CUX1: variants seen among roughly 807,000 people sequenced by gnomAD.
The protein encoded by CUX1 is cut like homeobox 1.
A neutral mutation model predicts 158.8 loss-of-function variants in CUX1; 31 were observed. The observed-to-expected ratio is 0.20, with a 90% confidence interval of 0.15 to 0.26. The LOEUF (loss-of-function observed/expected upper bound fraction) is 0.26, where lower values mean the gene tolerates loss of function less well. Among genes scored for constraint, CUX1 ranks in the 10% least tolerant of loss-of-function variants. CUX1 has a pLI of 1.00. For synonymous variants in CUX1, 879 were observed against 862.1 expected (o/e 1.02, Z -0.34); for missense variants, 1,589 against 2,014.6 (o/e 0.79, Z 4.04).
intron 2 of CUX1, among the ~76,000 whole-genome samples, chr7:102,002,415 T>A (rs77285943): frequency 0.041 from 6,189 of 152,286 alleles, 440 homozygotes; most frequent in African/African-American, 0.14. Context: ...CTTGCGTGGA[T>A]GGCTGTGGGA....
intron 3 of CUX1, among the ~76,000 whole-genome samples, chr7:102,066,014 C>G (rs1244197644): frequency 6.6e-6 from 1 of 152,186 alleles, no homozygotes; most frequent in Non-Finnish European, 1.5e-5. Flanking sequence ...TGGTCTGCAT[C>G]TCCTGACCTT....
intron 1 of CUX1, among the ~76,000 whole-genome samples, chr7:101,888,123 C>A (rs1269032368): frequency 6.6e-6 from 1 of 152,152 alleles, no homozygotes; most frequent in Non-Finnish European, 1.5e-5. Flanking sequence ...CACCTGAGGT[C>A]AGAAGTTCCA....
chr7:102,242,681 T>A (rs1396061338), intron 23 of CUX1, among the ~76,000 whole-genome samples: 2 of 152,214 alleles, frequency 1.3e-5, no homozygotes, highest in African/African-American at 4.8e-5. Context: ...TCCAAAAGTA[T>A]GTTCCCTGGC....
Position 101,981,681 on chromosome 7 carries a change from C to T in CUX1, c.142-46417C>T, listed in dbSNP as rs186576851. The stretch of plus-strand genomic sequence containing the variant: ...AGGCTGGAGTACAGCAGTGCGATCT[C>T]GGCTCTGCAACCTCCGCCTCCCTGG... On this transcript the variant is annotated intron_variant, in intron 2 of 23. Transcript: ENST00000292535. Among the ~76,000 whole-genome samples, 12 of 151,856 alleles carry T rather than the reference C, an allele frequency of 7.9e-5. No individual in the cohort carries two copies. In the East Asian group the frequency reaches 1.7e-3, roughly 22 times the overall value.
chr7:101,946,627 G>C (rs1222513901), intron 2 of CUX1, among the ~76,000 whole-genome samples: 1 of 152,044 alleles, frequency 6.6e-6, no homozygotes, highest in Non-Finnish European at 1.5e-5. Flanking sequence ...CAAATGTTGG[G>C]TTGGATTTGG....
intron 3 of CUX1, among the ~76,000 whole-genome samples, chr7:102,036,837 T>G (rs1051033801): frequency 6.6e-6 from 1 of 151,698 alleles, no homozygotes; most frequent in African/African-American, 2.4e-5. Flanking sequence ...ATGGTATGGA[T>G]CAGTGAGGAA....
rs1193516000 is a variant in CUX1, at chr7:102,092,556, T to C, written c.269-4808T>C. 2.6e-5 allele frequency among the ~76,000 whole-genome samples: 4 copies of C among 152,050 alleles called. No individual in the cohort carries two copies. The East Asian group carries it at 7.7e-4, about 29-fold the overall frequency. On this transcript the variant is annotated intron_variant, in intron 4 of 23. Coordinates refer to ENST00000292535, the MANE Select transcript of CUX1 (RefSeq NM_181552.4). ...CATCACAAGTGGAAAATATCATAAG[T>C]CAAAAATATATTCAATACCCCTAAC...
chr7:101,876,672 C>T (rs1584851282), intron 1 of CUX1, among the ~76,000 whole-genome samples: 1 of 149,544 alleles, frequency 6.7e-6, no homozygotes, highest in South Asian at 2.1e-4. Context: ...TCTGACCTGG[C>T]AACATAGCAA....
rs574002509 is a variant in CUX1, at chr7:102,040,733, G to A, written c.189+12588G>A. Among the ~76,000 whole-genome samples, 12 of 152,306 alleles carry A rather than the reference G, an allele frequency of 7.9e-5. No homozygotes were observed. In the South Asian group the frequency reaches 1.2e-3, roughly 16 times the overall value. ...GGCCATTGCTAAATAAAGCCAGGGC[G>A]TCCATGTGGTTCGCTCCAAAGAGCA... On this transcript the variant is annotated intron_variant, in intron 3 of 23. Transcript: ENST00000292535.
chr7:102,018,326 A>G (rs555210790), intron 2 of CUX1, among the ~76,000 whole-genome samples: 1 of 152,338 alleles, frequency 6.6e-6, no homozygotes, highest in East Asian at 1.9e-4. Context: ...TCAGACCTAG[A>G]GTCAAATCAG....
At chr7:102,008,315 CT>C (rs1225650741) in intron 2 of CUX1, among the ~76,000 whole-genome samples, 1 of 152,060 alleles carries the variant, frequency 6.6e-6, no homozygotes, top group Non-Finnish European at 1.5e-5. Flanking sequence ...TGGATCTCCT[CT>C]TTTTTCCTTC....
At position 102,263,901 on chromosome 7, in the gene CUX1, G is replaced by A. The variant is rs572203027; in HGVS notation, c.1256-9465G>A. Reference sequence around the variant, plus strand: ...AGAGACGGGGTTCACCATATTGGCCGGGCTGGTCTCGAACTCCTGGCCTCA... The same window carrying A: ...AGAGACGGGGTTCACCATATTGGCCAGGCTGGTCTCGAACTCCTGGCCTCA... On this transcript the variant is annotated intron_variant, in intron 14 of 22. Transcript: ENST00000292538. 1.5e-4 allele frequency among the ~76,000 whole-genome samples: 22 copies of A among 148,832 alleles called. No individual in the cohort carries two copies. The South Asian group carries it at 4.3e-3, about 29-fold the overall frequency.
rs375610847 is a variant in CUX1 at position 101,842,872 on chromosome 7, A to ATTTT, written c.30+25218_30+25221dup. On this transcript the variant is annotated intron_variant, in intron 1 of 23. Transcript: ENST00000292535. The stretch of plus-strand genomic sequence containing the variant: ...TTCGTTTTGACATTAAAATTATTCT[A>ATTTT]TTTTTTTTTTTTTTTTTTGAGACAG... Among the ~76,000 whole-genome samples, 45 of 105,762 alleles carry ATTTT rather than the reference A, an allele frequency of 4.3e-4. 2 individuals are homozygous for ATTTT. The highest frequency in any genetic ancestry group is 6.3e-4 in the Non-Finnish European group (34 of 53,780). The allele number at this position is 105,762 out of a possible 152,430, so 69.4% of individuals were successfully genotyped here. A position where few individuals can be genotyped will look rare whatever the true frequency, so the allele number is the denominator to read the frequency against.
chr7:102,170,509 T>C lies in CUX1; in HGVS notation c.787T>C (p.Ser263Pro). ...LREQLSSANH[S>P]LQLASQIQKA... is the part of the protein sequence containing the mutation. Reference sequence around the variant, plus strand: ...GGAACAGCTCTCATCGGCCAATCACTCCCTCCAGCTGGCCTCACAGATCCA... The same window carrying C: ...GGAACAGCTCTCATCGGCCAATCACCCCCTCCAGCTGGCCTCACAGATCCA... Residue 263 changes from serine (S) to proline (P), a missense_variant, in exon 10 of 24, where the codon TCC (serine) becomes CCC (proline). Ser to Pro is a moderately conservative substitution (Grantham distance 74). This residue lies in a region of CUX1 where 515 missense variants were observed against 574.4 expected (regional missense o/e 0.90). Transcript: ENST00000292535. 6.3e-7 allele frequency: 1 copy of C among 1,589,990 alleles called. No homozygotes were observed. The highest frequency in any genetic ancestry group is 2.3e-5 in the East Asian group (1 of 43,416).
intron 22 of CUX1, 140 bp from the exon 23 acceptor site, chr7:102,239,180 C>A (rs1423951991): frequency 4.0e-6 from 4 of 1,012,162 alleles, no homozygotes; most frequent in Admixed American, 5.9e-5. Context: ...AGCCACCATG[C>A]CCAGCCTCAT....
chr7:102,248,530 G>A lies in CUX1; in HGVS notation c.4006G>A (p.Asp1336Asn), dbSNP rs571342866. 1.3e-5 allele frequency: 20 copies of A among 1,519,742 alleles called. No individual in the cohort carries two copies. Among genetic ancestry groups the A allele is most frequent in the African/African-American group, 4.2e-5 (3 of 70,982 alleles). 94.1% of individuals were successfully genotyped at this position (1,519,742 alleles called of 1,614,324 possible). ...SGRAAPSSEG[D>N]SCDGVEATEG... ...CCGGGCGGCGCCCAGCTCGGAGGGC[G>A]ACAGCTGCGACGGCGTGGAGGCCAC... is the stretch of plus-strand genomic sequence containing the variant. The change falls in exon 24 of 24, where the codon GAC becomes AAC. Residue 1336 changes from aspartate to asparagine, a missense_variant. Asp to Asn is a conservative substitution (Grantham distance 23, BLOSUM62 1). This residue lies in a region of CUX1 where 344 missense variants were observed against 323.7 expected (regional missense o/e 1.06). Coordinates refer to ENST00000292535, the MANE Select transcript of CUX1 (RefSeq NM_181552.4). This position sits in a 1 kb window ranked among gnomAD's most constrained non-coding sequence, Gnocchi z 5.8.
At chr7:102,239,703 G>C in intron 23 of CUX1, 119 bp downstream of exon 23, 1 of 1,190,124 alleles carries the variant, frequency 8.4e-7, no homozygotes. Context: ...CTGGGAGCTC[G>C]GTGATTGGTC....
chr7:102,216,534 CCA>C (rs1400918269), intron 20 of CUX1, among the ~76,000 whole-genome samples: 16 of 81,300 alleles, frequency 2.0e-4, no homozygotes, highest in Middle Eastern at 6.2e-3. Flanking sequence ...ACTCTCCCCC[CCA>C]CACACACACA....
chr7:102,205,407 G>T (rs1554520834), intron 20 of CUX1, among the ~76,000 whole-genome samples: 3 of 152,194 alleles, frequency 2.0e-5, no homozygotes, highest in African/African-American at 7.2e-5. Flanking sequence ...GTCATCCTTT[G>T]TCGGCCCAGA....
Sources: allele counts gnomAD v4.1 joint callset (sites outside exome capture counted in the v4.1 genomes callset), GRCh38; gene constraint gnomAD v4.1.1; regional missense constraint gnomAD v4.1.1; non-coding constraint Gnocchi (gnomAD v3.1); transcripts MANE v1.5; gene names NCBI Gene and HGNC (gene_info 2026-07-23, HGNC 2026-07-21).